DEK: variants seen among roughly 807,000 people sequenced by gnomAD.
The protein encoded by DEK is protein DEK.
A neutral mutation model predicts 46.8 loss-of-function variants in DEK; 28 were observed. That is an observed-to-expected ratio of 0.60 (90% CI 0.44 to 0.82). The LOEUF is 0.82. DEK is among the 40% of genes least tolerant of loss of function. The probability of loss-of-function intolerance (pLI) is 0.00; values close to 1 mark genes in which losing one functional copy is unlikely to be tolerated. For synonymous variants in DEK, 160 were observed against 144.5 expected, an observed-to-expected ratio of 1.11 and a Z score of -0.77; for missense variants, 416 against 430.6, an observed-to-expected ratio of 0.97 and a Z score of 0.30.
chr6:18,230,201 C>T (rs372969936), intron 9 of DEK, among the ~76,000 whole-genome samples: 1 of 152,230 alleles, frequency 6.6e-6, no homozygotes, highest in Non-Finnish European at 1.5e-5. Context: ...CACCACCAGG[C>T]CTGCCTTACA....
At position 18,249,781 on chromosome 6, in the gene DEK, G is replaced by C. The variant is rs752735347; in HGVS notation, c.632C>G (p.Ser211Cys). Reference protein sequence around the residue: ...SKGSKKERNSSGMARKAKRTK... With the variant: ...SKGSKKERNSCGMARKAKRTK... ...TCGCTTAGCCTTCCTTGCCATTCCA[G>C]AACTGTTCCGTTCCTTTTTACTGCC... The change falls in exon 7 of 11, where the codon TCT becomes TGT. Residue 211 changes from serine to cysteine, a missense_variant. By Grantham distance (112) the Ser-to-Cys change is moderately radical. Coordinates refer to ENST00000652689, the MANE Select transcript of DEK (RefSeq NM_003472.4). The C allele has an allele frequency of 6.2e-7, 1 of 1,613,032 alleles. No individual in the cohort carries two copies. Among genetic ancestry groups the C allele is most frequent in the East Asian group, 2.2e-5 (1 of 44,832 alleles).
intron 7 of DEK, among the ~76,000 whole-genome samples, chr6:18,238,015 C>A (rs188665095): frequency 2.2e-4 from 34 of 151,864 alleles, no homozygotes; most frequent in Non-Finnish European, 4.1e-4. Context: ...ATTACAGGTG[C>A]TCGCCACCAC....
chr6:18,225,821 A>G, intron 10 of DEK, 91 bp from the exon 11 acceptor site: 1 of 1,443,664 alleles, frequency 6.9e-7, no homozygotes, highest in Non-Finnish European at 9.7e-7. Context: ...TCCTTCAAAA[A>G]TCAGTTGAGA....
At chr6:18,229,293 G>A (rs929807596) in intron 9 of DEK, among the ~76,000 whole-genome samples, 6 of 152,204 alleles carry the variant, frequency 3.9e-5, no homozygotes, top group Non-Finnish European at 7.3e-5. Context: ...AACCAGAGCA[G>A]AAAAGCTGAA....
At chr6:18,234,828 T>G (rs945217765) in intron 9 of DEK, among the ~76,000 whole-genome samples, 18 of 152,314 alleles carry the variant, frequency 1.2e-4, no homozygotes, top group Non-Finnish European at 2.1e-4. Flanking sequence ...CCTACTATTT[T>G]CCTTCCAAAG....
At chr6:18,228,412 T>C (rs909471935) in intron 9 of DEK, among the ~76,000 whole-genome samples, 4 of 152,000 alleles carry the variant, frequency 2.6e-5, no homozygotes, top group Non-Finnish European at 5.9e-5. Context: ...GATGGCCGAA[T>C]AGGAACAGCT....
rs765097595 is a variant in DEK at position 18,263,894 on chromosome 6, T to A, written c.94A>T (p.Ser32Cys). ...TCGTCCTCGTCCTCTTCCTCCTCGCTCTCCTCTCTGGGACCGGGCATTTCG... is the reference window on the plus strand; with the variant it reads ...TCGTCCTCGTCCTCTTCCTCCTCGCACTCCTCTCTGGGACCGGGCATTTCG... Reference protein sequence around the residue: ...EPEMPGPREESEEEEDEDDEE... With the variant: ...EPEMPGPREECEEEEDEDDEE... Residue 32 changes from serine to cysteine, a missense_variant, in exon 2 of 11, where the codon AGC becomes TGC. Physicochemically the swap from Ser to Cys is moderately radical, Grantham distance 112 (BLOSUM62 -1). Transcript: ENST00000652689. 6.2e-7 allele frequency: 1 copy of A among 1,612,492 alleles called. No homozygotes were observed. The highest frequency in any genetic ancestry group is 1.1e-5 in the South Asian group (1 of 90,842).
At chr6:18,237,602 A>G (rs944281592) in intron 7 of DEK, 86 bp from the exon 8 acceptor site, 3 of 1,461,320 alleles carry the variant, frequency 2.1e-6, no homozygotes, top group Non-Finnish European at 2.7e-6. Context: ...ATGCCCCTTA[A>G]TAATATTAGA....
chr6:18,244,645 C>A, intron 7 of DEK: 1 of 1,040,640 alleles, frequency 9.6e-7, no homozygotes, highest in Non-Finnish European at 1.3e-6. Context: ...GCTTAAAATA[C>A]ACTATTCTTT....
At chr6:18,261,470 G>A (rs1392514568) in intron 2 of DEK, among the ~76,000 whole-genome samples, 1 of 152,154 alleles carries the variant, frequency 6.6e-6, no homozygotes, top group Non-Finnish European at 1.5e-5. Context: ...TACTCGAGAG[G>A]CTGAGGCAGT....
At chr6:18,234,426 T>C (rs1490957761) in intron 9 of DEK, among the ~76,000 whole-genome samples, 3 of 152,182 alleles carry the variant, frequency 2.0e-5, no homozygotes, top group East Asian at 1.9e-4. Context: ...CACTCATTTT[T>C]CTATGGTTAA....
chr6:18,240,599 T>G (rs1057386893), intron 7 of DEK, among the ~76,000 whole-genome samples: 1 of 152,166 alleles, frequency 6.6e-6, no homozygotes, highest in African/African-American at 2.4e-5. Flanking sequence ...TGCTTCCTTT[T>G]GCAGAATGAG....
At chr6:18,236,113 G>A (rs1790636183) in intron 9 of DEK, among the ~76,000 whole-genome samples, 1 of 152,186 alleles carries the variant, frequency 6.6e-6, no homozygotes, top group Non-Finnish European at 1.5e-5. Context: ...GACGGTTCAT[G>A]AGATTCTGCT....
chr6:18,244,288 A>C (rs1049344561), intron 7 of DEK, among the ~76,000 whole-genome samples: 1 of 152,198 alleles, frequency 6.6e-6, no homozygotes, highest in Admixed American at 6.5e-5. Context: ...ACTATTTCAG[A>C]TGTTCTAAAG....
intron 7 of DEK, among the ~76,000 whole-genome samples, chr6:18,238,865 G>A (rs1262196932): frequency 6.6e-6 from 1 of 151,908 alleles, no homozygotes; most frequent in Non-Finnish European, 1.5e-5. Context: ...TCACTTGACA[G>A]AACGTTTCTC....
At chr6:18,250,329 C>T (rs935907603) in intron 6 of DEK, among the ~76,000 whole-genome samples, 65 of 151,944 alleles carry the variant, frequency 4.3e-4, no homozygotes, top group African/African-American at 1.4e-3. Context: ...ATTAGCCGGG[C>T]GTGGTGGCGG....
chr6:18,253,522 A>G (rs1293469266), intron 6 of DEK, among the ~76,000 whole-genome samples: 2 of 152,210 alleles, frequency 1.3e-5, no homozygotes, highest in Admixed American at 6.5e-5. Flanking sequence ...CAAGCGGTAA[A>G]TGCATGTTAC....
chr6:18,254,242 A>T (rs1377023575), intron 6 of DEK, among the ~76,000 whole-genome samples: 1 of 152,118 alleles, frequency 6.6e-6, no homozygotes, highest in Admixed American at 6.5e-5. Context: ...GAGGCAGAAG[A>T]ATTGCTTGAA....
At position 18,249,569 on chromosome 6, in the gene DEK, T is replaced by C; in HGVS notation, c.762+82A>G. On this transcript the variant is annotated intron_variant, in intron 7 of 10. Transcript: ENST00000652689. ...ATTAAAAACAACCAATAAGGAAGTG[T>C]TTTCTGGCTGTACCTTATAGCAGAA... 3.5e-6 allele frequency: 5 copies of C among 1,415,044 alleles called. 1 individual carries two copies. In the South Asian group the frequency reaches 6.9e-5, roughly 19 times the overall value. The allele number at this position is 1,415,044 out of a possible 1,614,324, so 87.7% of individuals were successfully genotyped here.
Sources: allele counts gnomAD v4.1 joint callset (sites outside exome capture counted in the v4.1 genomes callset), GRCh38; gene constraint gnomAD v4.1.1; transcripts MANE v1.5; gene names NCBI Gene and HGNC (gene_info 2026-07-23, HGNC 2026-07-21).